PATL2: variants seen among roughly 807,000 people sequenced by gnomAD.
PATL2 encodes the protein protein PAT1 homolog 2.
In PATL2, 73 loss-of-function variants were observed where a neutral mutation model predicts 77.0. That is an observed-to-expected ratio of 0.95 (90% confidence interval 0.78 to 1.15). The LOEUF (loss-of-function observed/expected upper bound fraction) is 1.15, where lower values mean the gene tolerates loss of function less well. Ranked by LOEUF, PATL2 falls within the 50% of genes most tolerant of loss-of-function variation. PATL2 has a pLI of 0.00. For synonymous variants in PATL2, 265 were observed against 257.1 expected (o/e 1.03, Z -0.29); for missense variants, 618 against 655.4 (o/e 0.94, Z 0.62).
chr15:44,669,426 G>T lies in PATL2; in HGVS notation c.931-13C>A. On this transcript the variant is annotated splice_polypyrimidine_tract_variant and intron_variant, in intron 12 of 17. Coordinates refer to ENST00000682850, the MANE Select transcript of PATL2 (RefSeq NM_001387263.1). ...ACTGAAGGAACATCTGGGAATTTGAGGGTGGAAAAAAGAGGTAAATTTGGG... is the reference window on the plus strand; with the variant it reads ...ACTGAAGGAACATCTGGGAATTTGATGGTGGAAAAAAGAGGTAAATTTGGG... 1 of 1,548,276 alleles carries T rather than the reference G, an allele frequency of 6.5e-7. No homozygotes were observed. Among genetic ancestry groups the T allele is most frequent in the Non-Finnish European group, 8.7e-7 (1 of 1,144,276 alleles).
At chr15:44,670,206 G>A (rs2085603374) in intron 9 of PATL2, 119 bp from the exon 10 acceptor site, 2 of 1,369,962 alleles carry the variant, frequency 1.5e-6, no homozygotes, top group Admixed American at 2.5e-5. Flanking sequence ...TGTGTTATAA[G>A]TTTTGTTGTT....
intron 3 of PATL2, among the ~76,000 whole-genome samples, chr15:44,705,049 G>A (rs1182028267): frequency 6.6e-6 from 1 of 152,096 alleles, no homozygotes; most frequent in Non-Finnish European, 1.5e-5. Context: ...GGTTGAATTT[G>A]TTTGGTGTTC....
chr15:44,674,569 A>T lies in PATL2; in HGVS notation c.223-339T>A, dbSNP rs190477220. Among the ~76,000 whole-genome samples, 677 of 151,956 alleles carry T rather than the reference A, an allele frequency of 4.5e-3. 4 individuals are homozygous for T. Among genetic ancestry groups the T allele is most frequent in the African/African-American group, 0.015 (635 of 41,430 alleles). ...CCTATGATAGTTTATATATATATTT[A>T]AAAAAAATTTTTTTTAGAGTCAGGG... On this transcript the variant is annotated intron_variant, in intron 5 of 17. Coordinates refer to ENST00000682850, the MANE Select transcript of PATL2 (RefSeq NM_001387263.1).
intron 3 of PATL2, among the ~76,000 whole-genome samples, chr15:44,694,942 C>G (rs1030429776): frequency 6.6e-6 from 1 of 152,044 alleles, no homozygotes; most frequent in African/African-American, 2.4e-5. Context: ...CATGAAGTAG[C>G]CAGAAAGAGT....
chr15:44,684,953 C>G (rs1005372244), intron 3 of PATL2, among the ~76,000 whole-genome samples: 4 of 152,144 alleles, frequency 2.6e-5, no homozygotes, highest in Admixed American at 6.6e-5. Flanking sequence ...TAACATTCTT[C>G]AAGGAAAGAA....
chr15:44,683,232 G>C lies in PATL2; in HGVS notation c.-75-6667C>G, dbSNP rs539786533. Among the ~76,000 whole-genome samples the C allele has an allele frequency of 3.9e-5, 6 of 152,118 alleles. No individual in the cohort carries two copies. The East Asian group carries it at 1.2e-3, about 29-fold the overall frequency. On this transcript the variant is annotated intron_variant, in intron 3 of 17. Coordinates refer to ENST00000682850, the MANE Select transcript of PATL2 (RefSeq NM_001387263.1). ...CCCCAGTGGCGTCTGGCATGCCAGCGAGACAGAACCATTCACTCCTCTGGA... is the reference window on the plus strand; with the variant it reads ...CCCCAGTGGCGTCTGGCATGCCAGCCAGACAGAACCATTCACTCCTCTGGA...
At chr15:44,667,446 C>G (rs1348904699) in intron 15 of PATL2, among the ~76,000 whole-genome samples, 1 of 152,162 alleles carries the variant, frequency 6.6e-6, no homozygotes. Flanking sequence ...ATGCATACTT[C>G]TAGGCTTAAC....
chr15:44,681,119 C>A (rs893477254), intron 3 of PATL2, among the ~76,000 whole-genome samples: 1 of 152,150 alleles, frequency 6.6e-6, no homozygotes, highest in Non-Finnish European at 1.5e-5. Flanking sequence ...CAAACTTGAA[C>A]TTCTGGACTC....
intron 3 of PATL2, among the ~76,000 whole-genome samples, chr15:44,686,848 A>G (rs1040424659): frequency 3.3e-5 from 5 of 152,206 alleles, no homozygotes; most frequent in Non-Finnish European, 5.9e-5. Context: ...TCCCGAGACT[A>G]AACCAGGAAG....
intron 3 of PATL2, among the ~76,000 whole-genome samples, chr15:44,680,408 G>C (rs2086107774): frequency 6.6e-6 from 1 of 152,074 alleles, no homozygotes; most frequent in African/African-American, 2.4e-5. Flanking sequence ...CACCTCTTAT[G>C]TTATGGGGAA....
At chr15:44,672,205 T>A in intron 8 of PATL2, 49 bp from the exon 9 acceptor site, 1 of 1,551,356 alleles carries the variant, frequency 6.4e-7, no homozygotes, top group Non-Finnish European at 8.7e-7. Flanking sequence ...CACTGGCACT[T>A]CCTAAGGAGT....
chr15:44,689,244 T>C (rs1302475430), intron 3 of PATL2, among the ~76,000 whole-genome samples: 1 of 152,188 alleles, frequency 6.6e-6, no homozygotes, highest in Non-Finnish European at 1.5e-5. Context: ...GAAATAAGAA[T>C]GCTTTTACAC....
chr15:44,691,481 A>C lies in PATL2; in HGVS notation c.-75-14916T>G, dbSNP rs151063718. Among the ~76,000 whole-genome samples, 591 of 152,062 alleles carry C rather than the reference A, an allele frequency of 3.9e-3. 4 individuals are homozygous for C. Among genetic ancestry groups the C allele is most frequent in the African/African-American group, 0.014 (566 of 41,478 alleles). On this transcript the variant is annotated intron_variant, in intron 3 of 17. Coordinates refer to ENST00000682850, the MANE Select transcript of PATL2 (RefSeq NM_001387263.1). ...GAGACCAGCCTCACCAACATAGCAA[A>C]AACCCGTCTCTACTAAAAATACAAC...
intron 3 of PATL2, among the ~76,000 whole-genome samples, chr15:44,686,936 C>T (rs544932669): frequency 6.6e-6 from 1 of 152,162 alleles, no homozygotes; most frequent in African/African-American, 2.4e-5. Flanking sequence ...CAAAAAAGTC[C>T]AGGACCAGAT....
In PATL2 at chr15:44,669,328, A is replaced by T; in HGVS notation, c.1016T>A (p.Val339Asp). ...CTTTAAGGTCTGGAAGAGCTTCTCA[A>T]CCTGGTTGCTTTGCTGCTCAGAAAA... ...PCFSEQQSNQVEKLFQTLKTQ... is the reference protein window; with the variant it reads ...PCFSEQQSNQDEKLFQTLKTQ... Residue 339 changes from valine (V) to aspartate (D), a missense_variant, in exon 13 of 18, where the codon GTT becomes GAT. By Grantham distance (152) the Val-to-Asp change is radical (BLOSUM62 -3). Coordinates refer to ENST00000682850, the MANE Select transcript of PATL2 (RefSeq NM_001387263.1). The T allele has an allele frequency of 6.4e-7, 1 of 1,551,570 alleles. No homozygotes were observed. Among genetic ancestry groups the T allele is most frequent in the South Asian group, 1.2e-5 (1 of 84,058 alleles).
chr15:44,682,943 G>T (rs1007554542), intron 3 of PATL2, among the ~76,000 whole-genome samples: 11 of 152,190 alleles, frequency 7.2e-5, no homozygotes, highest in African/African-American at 2.7e-4. Context: ...CACGGAGGGT[G>T]AGCCAAAGCA....
Position 44,672,398 on chromosome 15 carries a change from G to C in PATL2, c.505C>G (p.Gln169Glu), listed in dbSNP as rs2141192922. The stretch of plus-strand genomic sequence containing the variant: ...TGGTCTGGGCTTTACCTTGGTGTTT[G>C]ACTATGCTGCTGCTGCTGCAAGATT... Reference protein sequence around the residue: ...QRILQQQQHSQTPSPPAKKPW... With the variant: ...QRILQQQQHSETPSPPAKKPW... The change falls in exon 8 of 18, where the codon CAA (glutamine) becomes GAA (glutamate). Residue 169 changes from glutamine to glutamate, a missense_variant. Gln to Glu is a conservative substitution (Grantham distance 29). Transcript: ENST00000682850. The C allele has an allele frequency of 1.3e-6, 2 of 1,551,646 alleles. No homozygotes were observed. Among genetic ancestry groups the C allele is most frequent in the South Asian group, 2.4e-5 (2 of 84,018 alleles).
chr15:44,701,129 G>A (rs556268383), intron 3 of PATL2, among the ~76,000 whole-genome samples: 1 of 152,044 alleles, frequency 6.6e-6, no homozygotes, highest in East Asian at 1.9e-4. Context: ...ACTTGGTCAT[G>A]ATGAATGATT....
At chr15:44,690,795 G>A (rs2086374021) in intron 3 of PATL2, among the ~76,000 whole-genome samples, 1 of 152,062 alleles carries the variant, frequency 6.6e-6, no homozygotes, top group Admixed American at 6.6e-5. Flanking sequence ...ACAACTGCTT[G>A]TTATCATATA....
Sources: gnomAD v4.1 joint callset for allele counts (sites outside exome capture counted in the v4.1 genomes callset) on GRCh38, gnomAD v4.1.1 for gene constraint, MANE v1.5 for transcripts, NCBI Gene and HGNC (gene_info 2026-07-23, HGNC 2026-07-21) for gene names.